Variants in ULK2 observed in about 807,000 individuals in gnomAD.
ULK2 encodes the protein serine/threonine-protein kinase ULK2.
ULK2 carries 76 observed loss-of-function variants against 127.5 expected under a neutral mutation model. The observed-to-expected ratio is 0.60, with a 90% CI of 0.50 to 0.72. The LOEUF (loss-of-function observed/expected upper bound fraction) is 0.72, where lower values mean the gene tolerates loss of function less well. Ranked by LOEUF, ULK2 falls within the 30% of genes least tolerant of loss-of-function variation. ULK2 has a pLI of 0.00. For missense variants in ULK2, 1,144 were observed against 1,295.9 expected (o/e 0.88, Z 1.80); for synonymous variants, 452 against 461.9 (o/e 0.98, Z 0.28).
rs893204220 is a variant in ULK2 at position 19,797,416 on chromosome 17, T to C, written c.1789A>G (p.Ile597Val). Reference protein sequence around the residue: ...DWFFKTPLPTIIGSPTKTTAP... With the variant: ...DWFFKTPLPTVIGSPTKTTAP... Reference sequence around the variant, plus strand: ...CAAACCTTAGTAGGAGAGCCAATGATTGTTGGCAAAGGAGTTTTAAAGAAC... The same window carrying C: ...CAAACCTTAGTAGGAGAGCCAATGACTGTTGGCAAAGGAGTTTTAAAGAAC... The change falls in exon 18 of 27, where the codon ATC (isoleucine) becomes GTC (valine). Residue 597 changes from isoleucine to valine, a missense_variant. Physicochemically the swap from Ile to Val is conservative, Grantham distance 29 (BLOSUM62 3). Around this residue, in one of 2 missense-constraint regions of ULK2, gnomAD observed 913 missense variants for 970.5 expected, o/e 0.94. Transcript: ENST00000395544. 4 of 1,613,350 alleles carry C rather than the reference T, an allele frequency of 2.5e-6. No homozygotes were observed. The highest frequency in any genetic ancestry group is 2.5e-6 in the Non-Finnish European group (3 of 1,179,758).
At chr17:19,818,772 CTCT>C (rs1365420404) in intron 12 of ULK2, among the ~76,000 whole-genome samples, 4 of 149,630 alleles carry the variant, frequency 2.7e-5, no homozygotes, top group Non-Finnish European at 5.9e-5. Context: ...AAATTATCAT[CTCT>C]TCTTCATTTC....
chr17:19,856,733 G>T lies in ULK2; in HGVS notation c.226-6959C>A, dbSNP rs1450137320. Among the ~76,000 whole-genome samples, 3 of 151,758 alleles carry T rather than the reference G, an allele frequency of 2.0e-5. No individual in the cohort carries two copies. The East Asian group carries it at 5.8e-4, about 30-fold the overall frequency. ...CACGCCTGGAATCCCAGCACTTTGGGTGGCCGAGGCGGGCAGATCACAAGG... is the reference window on the plus strand; with the variant it reads ...CACGCCTGGAATCCCAGCACTTTGGTTGGCCGAGGCGGGCAGATCACAAGG... On this transcript the variant is annotated intron_variant, in intron 3 of 26. Coordinates refer to ENST00000395544, the MANE Select transcript of ULK2 (RefSeq NM_014683.4).
At chr17:19,795,140 A>G (rs1034230897) in intron 20 of ULK2, among the ~76,000 whole-genome samples, 1 of 151,962 alleles carries the variant, frequency 6.6e-6, no homozygotes, top group Non-Finnish European at 1.5e-5. Flanking sequence ...ACAGTCTAGA[A>G]TCTCCATTTT....
rs9890048 is a variant in ULK2 at position 19,849,247 on chromosome 17, A to G, written c.295+122T>C. 2,238 of 861,822 alleles carry G rather than the reference A, an allele frequency of 2.6e-3. 31 individuals are homozygous for G. In the African/African-American group the frequency reaches 0.033, roughly 13 times the overall value. The allele number at this position is 861,822 out of a possible 1,614,324, so 53.4% of individuals were successfully genotyped here. ...TGACCACAAGTCAAACAAATACACAAATATTTATTGAATGTTTCTATACAA... is the reference window on the plus strand; with the variant it reads ...TGACCACAAGTCAAACAAATACACAGATATTTATTGAATGTTTCTATACAA... On this transcript the variant is annotated intron_variant, in intron 5 of 26. Coordinates refer to ENST00000395544, the MANE Select transcript of ULK2 (RefSeq NM_014683.4).
intron 26 of ULK2, among the ~76,000 whole-genome samples, chr17:19,776,860 C>T (rs1244192124): frequency 6.6e-6 from 1 of 152,182 alleles, no homozygotes; most frequent in Non-Finnish European, 1.5e-5. Flanking sequence ...AAAACAGTTA[C>T]ATTTAATAAT....
intron 20 of ULK2, among the ~76,000 whole-genome samples, chr17:19,791,193 C>T (rs2087144859): frequency 6.6e-6 from 1 of 152,202 alleles, no homozygotes; most frequent in African/African-American, 2.4e-5. Flanking sequence ...GCAGAATATA[C>T]ATTCCTCTCA....
At chr17:19,866,029 A>G (rs774233620) in intron 1 of ULK2, among the ~76,000 whole-genome samples, 2 of 152,236 alleles carry the variant, frequency 1.3e-5, no homozygotes, top group African/African-American at 2.4e-5. Context: ...AAAATAACAA[A>G]TATGAAGTCC....
chr17:19,845,234 G>A (rs1384472079), intron 7 of ULK2, 70 bp downstream of exon 7: 4 of 1,310,896 alleles, frequency 3.1e-6, no homozygotes, highest in South Asian at 2.5e-5. Flanking sequence ...TTGGAAGCAC[G>A]CATTATATTT....
intron 12 of ULK2, among the ~76,000 whole-genome samples, chr17:19,820,739 T>C (rs2041120814): frequency 6.6e-6 from 1 of 152,218 alleles, no homozygotes; most frequent in African/African-American, 2.4e-5. Flanking sequence ...TATCATTCTT[T>C]CACTAATTCT....
At chr17:19,778,889 G>A (rs2086861022) in intron 25 of ULK2, among the ~76,000 whole-genome samples, 2 of 152,210 alleles carry the variant, frequency 1.3e-5, no homozygotes, top group African/African-American at 2.4e-5. Context: ...TCACTAAGCA[G>A]CCAGGACGAA....
chr17:19,825,164 G>A lies in ULK2; in HGVS notation c.854C>T (p.Pro285Leu), dbSNP rs755835287. The change falls in exon 12 of 27, where the codon CCC becomes CTC. Residue 285 changes from proline to leucine, a missense_variant. By Grantham distance (98) the Pro-to-Leu change is moderately conservative. Transcript: ENST00000395544. Reference protein sequence around the residue: ...PVKKSCPVPVPMYSGSVSGSS... With the variant: ...PVKKSCPVPVLMYSGSVSGSS... Reference sequence around the variant, plus strand: ...TCCAGAGACAGAACCAGAATACATGGGCACTGGAACTGGGCAAGCTAGGGG... The same window carrying A: ...TCCAGAGACAGAACCAGAATACATGAGCACTGGAACTGGGCAAGCTAGGGG... 1 of 1,614,070 alleles carries A rather than the reference G, an allele frequency of 6.2e-7. No homozygotes were observed. The highest frequency in any genetic ancestry group is 8.5e-7 in the Non-Finnish European group (1 of 1,180,014).
chr17:19,779,081 T>C (rs955684781), intron 25 of ULK2, among the ~76,000 whole-genome samples: 1 of 152,222 alleles, frequency 6.6e-6, no homozygotes, highest in African/African-American at 2.4e-5. Flanking sequence ...CAATATGATA[T>C]ATACTATTTT....
rs1276169242 is a variant in ULK2 at position 19,790,009 on chromosome 17, TAGAC to T, written c.2102-3927_2102-3924del. 2.0e-5 allele frequency among the ~76,000 whole-genome samples: 3 copies of T among 150,408 alleles called. No individual in the cohort carries two copies. The East Asian group carries it at 5.9e-4, about 29-fold the overall frequency. On this transcript the variant is annotated intron_variant, in intron 20 of 26. Coordinates refer to ENST00000395544, the MANE Select transcript of ULK2 (RefSeq NM_014683.4). ...ATAATAACTACAACTTTTCAAGACA[TAGAC>T]AGTACAATAACATATAAAGAGAAAC...
intron 13 of ULK2, among the ~76,000 whole-genome samples, chr17:19,812,329 T>C (rs2087661833): frequency 6.6e-6 from 1 of 152,174 alleles, no homozygotes; most frequent in Non-Finnish European, 1.5e-5. Flanking sequence ...ATGAATACAT[T>C]AATTTATTTC....
chr17:19,826,864 G>A (rs1315101458), intron 10 of ULK2, among the ~76,000 whole-genome samples: 1 of 152,028 alleles, frequency 6.6e-6, no homozygotes, highest in Non-Finnish European at 1.5e-5. Flanking sequence ...GGCTGAGGCA[G>A]GAGAATGGCG....
At chr17:19,863,255 G>C (rs1479103240) in intron 3 of ULK2, among the ~76,000 whole-genome samples, 1 of 151,764 alleles carries the variant, frequency 6.6e-6, no homozygotes, top group Non-Finnish European at 1.5e-5. Flanking sequence ...TTTGAGTAAT[G>C]CAAGTGAATA....
At chr17:19,808,255 A>G (rs541625434) in intron 14 of ULK2, among the ~76,000 whole-genome samples, 2 of 152,322 alleles carry the variant, frequency 1.3e-5, no homozygotes, top group African/African-American at 2.4e-5. Flanking sequence ...GAATCTTATC[A>G]TACACCATAC....
intron 12 of ULK2, among the ~76,000 whole-genome samples, chr17:19,820,659 T>C (rs1054640390): frequency 3.3e-5 from 5 of 152,218 alleles, no homozygotes; most frequent in Non-Finnish European, 5.9e-5. Flanking sequence ...TAAATGGCCA[T>C]GGAGAGCTAG....
At chr17:19,777,974 C>A (rs1275357944) in intron 25 of ULK2, among the ~76,000 whole-genome samples, 1 of 152,126 alleles carries the variant, frequency 6.6e-6, no homozygotes, top group African/African-American at 2.4e-5. Flanking sequence ...ATACTAGAAC[C>A]CTTCTAAACT....
Sources: allele counts gnomAD v4.1 joint callset (sites outside exome capture counted in the v4.1 genomes callset), GRCh38; gene constraint gnomAD v4.1.1; regional missense constraint gnomAD v4.1.1; transcripts MANE v1.5; gene names NCBI Gene and HGNC (gene_info 2026-07-23, HGNC 2026-07-21).